MID1: variants seen among roughly 807,000 people sequenced by gnomAD.
MID1 encodes the protein E3 ubiquitin-protein ligase Midline-1.
MID1 carries 7 observed loss-of-function variants against 40.4 expected under a neutral mutation model. The ratio of observed to expected loss-of-function variants is 0.17; its 90% confidence interval spans 0.10 to 0.33. The LOEUF is 0.33. MID1 is among the 10% of genes least tolerant of loss of function. The probability of loss-of-function intolerance (pLI) is 1.00; values close to 1 mark genes in which losing one functional copy is unlikely to be tolerated. For synonymous variants in MID1, 229 were observed against 221.2 expected (o/e 1.04, Z -0.31); for missense variants, 367 against 558.5 (o/e 0.66, Z 3.46).
chrX:10,786,614 T>C (rs746909927), intron 1 of MID1, among the ~76,000 whole-genome samples: 5 of 110,767 alleles, frequency 4.5e-5, no homozygotes, highest in South Asian at 4.0e-4. Flanking sequence ...GTGGCCCATA[T>C]ACACCATGGA....
chrX:10,643,923 T>G (rs754758295), intron 1 of MID1, among the ~76,000 whole-genome samples: 53 of 110,516 alleles, frequency 4.8e-4, no homozygotes, highest in African/African-American at 1.7e-3. Flanking sequence ...CCAAACACCA[T>G]ATGTTCTCAC....
At chrX:10,547,055 T>C (rs1933709097) in intron 2 of MID1, among the ~76,000 whole-genome samples, 1 of 110,959 alleles carries the variant, frequency 9.0e-6, no homozygotes, top group African/African-American at 3.3e-5. Context: ...CTTTGGGAGG[T>C]TGAAGTGGGA....
intron 1 of MID1, among the ~76,000 whole-genome samples, chrX:10,803,977 G>C (rs1488474509): frequency 9.1e-6 from 1 of 109,871 alleles, no homozygotes; most frequent in African/African-American, 3.3e-5. Flanking sequence ...TTTTTGGTTT[G>C]CATTTCCATT....
chrX:10,537,001 A>G (rs1006640509), intron 2 of MID1, among the ~76,000 whole-genome samples: 8 of 111,546 alleles, frequency 7.2e-5, no homozygotes, highest in African/African-American at 2.6e-4. Context: ...CAGAAGGTTC[A>G]GGCATGGATG....
Position 10,474,733 on chromosome X carries a change from G to A in MID1, c.1031C>T (p.Ala344Val). ...TTCAGGAATTAGAACCTGGGAGGAT[G>A]CAGTTGCCATGGAGACTCTGTAATG... is the stretch of plus-strand genomic sequence containing the variant. ...NITERVSMAT[A>V]SSQVLIPEIN... The change falls in exon 6 of 10, where the codon GCA (alanine) becomes GTA (valine). Residue 344 changes from alanine to valine, a missense_variant. By Grantham distance (64) the Ala-to-Val change is moderately conservative. Coordinates refer to ENST00000317552, the MANE Select transcript of MID1 (RefSeq NM_000381.4). 1 of 1,209,126 alleles carries A rather than the reference G, an allele frequency of 8.3e-7. No individual in the cohort carries two copies. Among genetic ancestry groups the A allele is most frequent in the Non-Finnish European group, 1.1e-6 (1 of 893,262 alleles).
chrX:10,713,375 G>A (rs2043281699), intron 1 of MID1, among the ~76,000 whole-genome samples: 1 of 107,364 alleles, frequency 9.3e-6, no homozygotes, highest in Non-Finnish European at 1.9e-5. Flanking sequence ...CCAGGTTAGA[G>A]TGCAGTGGCA....
chrX:10,642,118 G>T (rs200564425), intron 1 of MID1, among the ~76,000 whole-genome samples: 1 of 105,337 alleles, frequency 9.5e-6, no homozygotes, highest in Non-Finnish European at 2.0e-5. Flanking sequence ...AGACAGGGAT[G>T]CCCTCTCTCA....
intron 1 of MID1, among the ~76,000 whole-genome samples, chrX:10,691,821 G>A (rs111489044): frequency 8.0e-5 from 9 of 111,943 alleles, no homozygotes; most frequent in African/African-American, 2.9e-4. Flanking sequence ...GTGAGGAGGA[G>A]AAATATCGCT....
At chrX:10,639,724 T>A (rs1243725631) in intron 1 of MID1, among the ~76,000 whole-genome samples, 4 of 110,856 alleles carry the variant, frequency 3.6e-5, no homozygotes, top group Non-Finnish European at 1.9e-5. Context: ...AGATTCACCA[T>A]GGTCGAAATG....
intron 1 of MID1, among the ~76,000 whole-genome samples, chrX:10,694,104 C>T (rs2043146581): frequency 8.9e-6 from 1 of 112,064 alleles, no homozygotes; most frequent in African/African-American, 3.2e-5. Flanking sequence ...AGGACTGCCA[C>T]AGATTCTTTC....
intron 1 of MID1, among the ~76,000 whole-genome samples, chrX:10,616,273 T>C (rs1935836662): frequency 8.9e-6 from 1 of 112,706 alleles, no homozygotes; most frequent in African/African-American, 3.2e-5. Context: ...CTTTTCATTG[T>C]ATAAATTGCT....
chrX:10,455,464 A>C (rs762564655), intron 8 of MID1, among the ~76,000 whole-genome samples: 5 of 111,600 alleles, frequency 4.5e-5, no homozygotes, highest in South Asian at 3.8e-4. Context: ...CTTAGCCAGA[A>C]AACATAGGGT....
At chrX:10,501,629 G>C in intron 3 of MID1, 1 of 902,040 alleles carries the variant, frequency 1.1e-6, no homozygotes, top group Non-Finnish European at 1.5e-6. Flanking sequence ...TATCTGGCCT[G>C]CCTAGTCCTG....
chrX:10,772,619 T>C (rs1308788624), intron 1 of MID1, among the ~76,000 whole-genome samples: 1 of 109,775 alleles, frequency 9.1e-6, no homozygotes, highest in Non-Finnish European at 1.9e-5. Context: ...TAAACTAAAT[T>C]AAACTTAAAT....
chrX:10,458,559 ACT>A (rs778812149), intron 8 of MID1, among the ~76,000 whole-genome samples: 155 of 111,912 alleles, frequency 1.4e-3, no homozygotes, highest in African/African-American at 4.8e-3. Context: ...GGTGTACAGA[ACT>A]CTCTGTATTA....
chrX:10,775,816 G>A (rs1448375011), intron 1 of MID1, among the ~76,000 whole-genome samples: 2 of 111,335 alleles, frequency 1.8e-5, no homozygotes, highest in Non-Finnish European at 3.8e-5. Flanking sequence ...TGACCTCAGG[G>A]ACAAAGGCAT....
chrX:10,489,862 A>AT (rs1329426112), intron 4 of MID1, among the ~76,000 whole-genome samples: 2 of 109,480 alleles, frequency 1.8e-5, no homozygotes, highest in Non-Finnish European at 1.9e-5. Flanking sequence ...TGTCTGGCTT[A>AT]TTTTTTGTAT....
rs372505540 is a variant in MID1, at chrX:10,646,614, A to T, written c.-186-26195T>A. ...CAGGAGAAAAATGTCTGAGAAGCAC[A>T]TTTTTGCATGTTGCCCAAAATGAGG... On this transcript the variant is annotated intron_variant, in intron 1 of 10. Coordinates refer to the MID1 transcript ENST00000380785. Among the ~76,000 whole-genome samples the T allele has an allele frequency of 1.9e-4, 21 of 111,581 alleles. No homozygotes were observed. The South Asian group carries it at 7.9e-3, about 42-fold the overall frequency.
chrX:10,531,941 T>C (rs745639249), intron 2 of MID1, among the ~76,000 whole-genome samples: 3 of 112,373 alleles, frequency 2.7e-5, no homozygotes, highest in Non-Finnish European at 5.6e-5. Flanking sequence ...ATTACTAGAA[T>C]CCTTTCAAAT....
Sources: allele counts gnomAD v4.1 joint callset (sites outside exome capture counted in the v4.1 genomes callset), GRCh38; gene constraint gnomAD v4.1.1; transcripts MANE v1.5; gene names NCBI Gene and HGNC (gene_info 2026-07-23, HGNC 2026-07-21).